Variants in ARSL observed in about 807,000 individuals in gnomAD.
ARSL encodes arylsulfatase E (chondrodysplasia punctata 1).
A neutral mutation model predicts 31.1 loss-of-function variants in ARSL; 4 were observed. The observed-to-expected ratio is 0.13, with a 90% CI of 0.06 to 0.29. The LOEUF (loss-of-function observed/expected upper bound fraction) is 0.29, where lower values mean the gene tolerates loss of function less well. ARSL is among the 10% of genes least tolerant of loss of function. The probability of loss-of-function intolerance (pLI) is 1.00; values close to 1 mark genes in which losing one functional copy is unlikely to be tolerated. For missense variants in ARSL, 312 were observed against 497.8 expected (o/e 0.63, Z 3.55); for synonymous variants, 198 against 209.9 (o/e 0.94, Z 0.49).
At chrX:2,951,874 G>GTT (rs63021261) in intron 5 of ARSL, among the ~76,000 whole-genome samples, 1,521 of 84,113 alleles carry the variant, frequency 0.018, 38 homozygotes, top group African/African-American at 0.068. Flanking sequence ...CCCAGAATTT[G>GTT]TTTTTTTTTT....
chrX:2,951,018 G>A (rs1487421758), intron 5 of ARSL, among the ~76,000 whole-genome samples: 3 of 111,397 alleles, frequency 2.7e-5, no homozygotes, highest in African/African-American at 3.3e-5. Flanking sequence ...CTTGCACAGT[G>A]GGCCCAGCTG....
intron 5 of ARSL, among the ~76,000 whole-genome samples, chrX:2,950,639 A>G (rs2089449034): frequency 8.9e-6 from 1 of 111,760 alleles, no homozygotes; most frequent in African/African-American, 3.3e-5. Context: ...GCCATGAAAG[A>G]CATGCCTTTG....
upstream of ARSL, chrX:2,968,117 C>T: frequency 8.7e-7 from 1 of 1,155,347 alleles, no homozygotes; most frequent in Non-Finnish European, 1.1e-6. Context: ...AAAAGCCGGC[C>T]TGTAAGAAGA....
intron 1 of ARSL, 57 bp from the exon 2 acceptor site, chrX:2,960,477 A>G: frequency 8.8e-7 from 1 of 1,139,840 alleles, no homozygotes. Flanking sequence ...ACCTGATTAT[A>G]AATAAAACAG....
At chrX:2,945,509 G>A (rs771034643) in intron 7 of ARSL, among the ~76,000 whole-genome samples, 36 of 111,960 alleles carry the variant, frequency 3.2e-4, no homozygotes, top group African/African-American at 1.1e-3. Flanking sequence ...GAATTCAGAC[G>A]TGGAAATCTC....
In ARSL at chrX:2,953,496, G is replaced by A. The variant is rs752133480; in HGVS notation, c.308-231C>T. Among the ~76,000 whole-genome samples the A allele has an allele frequency of 4.5e-5, 5 of 112,032 alleles. No individual in the cohort carries two copies. The South Asian group carries it at 1.8e-3, about 41-fold the overall frequency. The stretch of plus-strand genomic sequence containing the variant: ...AAGATGGACTTTCCTGTTATGTGCA[G>A]GTTATAAGCAATATAATTCAGTGAA... On this transcript the variant is annotated intron_variant, in intron 4 of 10. Coordinates refer to ENST00000381134, the MANE Select transcript of ARSL (RefSeq NM_000047.3).
chrX:2,949,704 A>G lies in ARSL; in HGVS notation c.454T>C (p.Cys152Arg). 1.7e-6 allele frequency: 2 copies of G among 1,211,541 alleles called. No individual in the cohort carries two copies. Among genetic ancestry groups the G allele is most frequent in the Non-Finnish European group, 2.2e-6 (2 of 895,388 alleles). ...TGGCAATGATCACTGGCTGACTCAC[A>G]GTTGAGACCCAGATGCCATTTTCCT... is the stretch of plus-strand genomic sequence containing the variant. ...LIGKWHLGLN[C>R]ESASDHCHHP... The change falls in exon 6 of 11, where the codon TGT becomes CGT. Residue 152 changes from cysteine (C) to arginine (R), a missense_variant. Coordinates refer to ENST00000381134, the MANE Select transcript of ARSL (RefSeq NM_000047.3).
intron 8 of ARSL, among the ~76,000 whole-genome samples, chrX:2,942,550 C>T (rs2089295629): frequency 9.0e-6 from 1 of 111,584 alleles, no homozygotes; most frequent in Non-Finnish European, 1.9e-5. Flanking sequence ...CCTCGGCTTC[C>T]CAAAGTGCTG....
chrX:2,945,561 G>A (rs147990427), intron 7 of ARSL, among the ~76,000 whole-genome samples: 4 of 111,650 alleles, frequency 3.6e-5, no homozygotes, highest in African/African-American at 1.3e-4. Context: ...TTAAGACGTG[G>A]ACATCTTTGG....
chrX:2,945,634 T>G (rs1037613972), intron 7 of ARSL, among the ~76,000 whole-genome samples: 1 of 111,438 alleles, frequency 9.0e-6, no homozygotes, highest in Non-Finnish European at 1.9e-5. Flanking sequence ...CATTATTCTG[T>G]CTCCCACATG....
chrX:2,951,379 G>T (rs2089457666), intron 5 of ARSL, among the ~76,000 whole-genome samples: 1 of 110,572 alleles, frequency 9.0e-6, no homozygotes, highest in African/African-American at 3.3e-5. Flanking sequence ...CACTACTATG[G>T]TGTTGACAAA....
rs776639645 is a variant in ARSL, at chrX:2,957,934, A to T, written c.185+340T>A. Reference sequence around the variant, plus strand: ...TTACTCGGGAGGCTGAGGCAGGAGGATCACTTGAACCTGGGAGGTCAAGGC... The same window carrying T: ...TTACTCGGGAGGCTGAGGCAGGAGGTTCACTTGAACCTGGGAGGTCAAGGC... On this transcript the variant is annotated intron_variant, in intron 3 of 10. Transcript: ENST00000381134. Among the ~76,000 whole-genome samples, 4 of 110,974 alleles carry T rather than the reference A, an allele frequency of 3.6e-5. No homozygotes were observed. The South Asian group carries it at 1.5e-3, about 42-fold the overall frequency.
Position 2,938,139 on chromosome X carries a change from G to A in ARSL, c.1245C>T (p.Phe415=), listed in dbSNP as rs756846895. The A allele has an allele frequency of 8.3e-7, 1 of 1,212,083 alleles. No homozygotes were observed. Among genetic ancestry groups the A allele is most frequent in the Non-Finnish European group, 1.1e-6 (1 of 895,625 alleles). The change falls in exon 9 of 11, where the codon TTC becomes TTT. Residue 415 remains phenylalanine, a synonymous_variant. Coordinates refer to ENST00000381134, the MANE Select transcript of ARSL (RefSeq NM_000047.3). ...CGCCCGCCAGCCGGACCACGGTGGG[G>A]AACACGTCCATCAGACTCGTGGGCT... ...IGEPTSLMDV[F]PTVVRLAGGE...
At chrX:2,966,064 G>A (rs2089697057), upstream of ARSL, among the ~76,000 whole-genome samples, 1 of 112,138 alleles carries the variant, frequency 8.9e-6, no homozygotes, top group South Asian at 3.7e-4. Context: ...AGTTCCACCT[G>A]CTGTCTCTTC....
chrX:2,940,311 C>G (rs2089264700), intron 8 of ARSL, among the ~76,000 whole-genome samples: 1 of 111,395 alleles, frequency 9.0e-6, no homozygotes, highest in Non-Finnish European at 1.9e-5. Context: ...AACAAAAAAA[C>G]TCCACATATT....
At chrX:2,961,924 A>G (rs1244822017) in intron 1 of ARSL, among the ~76,000 whole-genome samples, 1 of 101,597 alleles carries the variant, frequency 9.8e-6, no homozygotes, top group Non-Finnish European at 2.0e-5. Context: ...TCTGTTGCCC[A>G]GGCTGGAGTG....
rs143033311 is a variant in ARSL, at chrX:2,948,898, C to T, written c.854+406G>A. Among the ~76,000 whole-genome samples the T allele has an allele frequency of 2.4e-3, 269 of 111,271 alleles. 2 individuals carry two copies. Among genetic ancestry groups the T allele is most frequent in the African/African-American group, 8.6e-3 (262 of 30,620 alleles). Reference sequence around the variant, plus strand: ...ATTGTCCTTCTAGGTCATGGCTATCCCATTCTTCAAACGTCAATTAAAGAA... The same window carrying T: ...ATTGTCCTTCTAGGTCATGGCTATCTCATTCTTCAAACGTCAATTAAAGAA... On this transcript the variant is annotated intron_variant, in intron 6 of 10. Transcript: ENST00000381134.
At chrX:2,941,444 A>C (rs766628078) in intron 8 of ARSL, among the ~76,000 whole-genome samples, 168 of 110,066 alleles carry the variant, frequency 1.5e-3, no homozygotes, top group African/African-American at 5.5e-3. Context: ...TAGTAGAGAC[A>C]GAGTTTCACC....
At chrX:2,961,151 G>A (rs1045531422) in intron 1 of ARSL, among the ~76,000 whole-genome samples, 1 of 111,369 alleles carries the variant, frequency 9.0e-6, no homozygotes, top group Non-Finnish European at 1.9e-5. Flanking sequence ...GGGAGAGGGG[G>A]CGACCATTGC....
Sources: gnomAD v4.1 joint callset for allele counts (sites outside exome capture counted in the v4.1 genomes callset) on GRCh38, gnomAD v4.1.1 for gene constraint, MANE v1.5 for transcripts, NCBI Gene and HGNC (gene_info 2026-07-23, HGNC 2026-07-21) for gene names.